The following SPRYD4 variants were observed in gnomAD, a reference collection of about 807,000 sequenced individuals.
The protein encoded by SPRYD4 is SPRY domain-containing protein 4.
SPRYD4 carries 12 observed loss-of-function variants against 16.6 expected under a neutral mutation model. The observed-to-expected ratio is 0.72, with a 90% CI of 0.46 to 1.17. The LOEUF is 1.17. Among genes scored for constraint, SPRYD4 ranks in the 50% most tolerant of loss-of-function variants. The pLI is 0.00. For missense variants in SPRYD4, 260 were observed against 260.2 expected (o/e 1.00, Z 0.00); for synonymous variants, 98 against 105.4 (o/e 0.93, Z 0.43).
chr12:56,478,447 G>A lies in SPRYD4; in HGVS notation c.*8870G>A. On this transcript the variant is annotated 3_prime_UTR_variant, in exon 2 of 2. Transcript: ENST00000338146. ...TTAAGTCCTAGAAGGCCATATCTTTGTGTATCCGCAATCCTGTAGAGATAG... is the reference window on the plus strand; with the variant it reads ...TTAAGTCCTAGAAGGCCATATCTTTATGTATCCGCAATCCTGTAGAGATAG... 1.6e-6 allele frequency: 1 copy of A among 609,054 alleles called. No homozygotes were observed. Among genetic ancestry groups the A allele is most frequent in the Non-Finnish European group, 2.9e-6 (1 of 343,258 alleles). 37.7% of individuals were successfully genotyped at this position (609,054 alleles called of 1,614,324 possible). A position where few individuals can be genotyped will look rare whatever the true frequency, so the allele number is the denominator to read the frequency against.
At position 56,472,010 on chromosome 12, in the gene SPRYD4, C is replaced by T; in HGVS notation, c.*2433C>T. 1 of 1,339,420 alleles carries T rather than the reference C, an allele frequency of 7.5e-7. No individual in the cohort carries two copies. Among genetic ancestry groups the T allele is most frequent in the Non-Finnish European group, 1.1e-6 (1 of 942,798 alleles). 83.0% of individuals were successfully genotyped at this position (1,339,420 alleles called of 1,614,324 possible). A position where few individuals can be genotyped will look rare whatever the true frequency, so the allele number is the denominator to read the frequency against. The stretch of plus-strand genomic sequence containing the variant: ...CAAACCGAAGGGTGTCTAGATAAAA[C>T]TAGTTGCTGCCCCTATAACCTTGAG... On this transcript the variant is annotated 3_prime_UTR_variant, in exon 2 of 2. Coordinates refer to ENST00000338146, the MANE Select transcript of SPRYD4 (RefSeq NM_207344.4).
Position 56,476,226 on chromosome 12 carries a change from G to A in SPRYD4, c.*6649G>A, listed in dbSNP as rs898842363. 1.7e-5 allele frequency: 8 copies of A among 469,092 alleles called. No individual in the cohort carries two copies. Among genetic ancestry groups the A allele is most frequent in the East Asian group, 4.1e-5 (1 of 24,266 alleles). 29.1% of individuals were successfully genotyped at this position (469,092 alleles called of 1,614,324 possible). On this transcript the variant is annotated 3_prime_UTR_variant, in exon 2 of 2. Transcript: ENST00000338146. ...CACCCAGGCTGGAGTGCAGTGGCAC[G>A]ATCATGGCTCACTGCAGCTTTGACC...
At position 56,469,254 on chromosome 12, in the gene SPRYD4, C is replaced by T. The variant is rs140739514; in HGVS notation, c.301C>T (p.Arg101Trp). 1.3e-5 allele frequency: 21 copies of T among 1,613,886 alleles called. No individual in the cohort carries two copies. Among genetic ancestry groups the T allele is most frequent in the Non-Finnish European group, 1.7e-6 (2 of 1,179,866 alleles). ...GACAGTGAAGCGCTCCCAGCAGTTC[C>T]GGATAGGAGTGGCAGATGTGGACAT... ...EVTVKRSQQF[R>W]IGVADVDMSR... Residue 101 changes from arginine to tryptophan, a missense_variant, in exon 2 of 2, where the codon CGG becomes TGG. Coordinates refer to ENST00000338146, the MANE Select transcript of SPRYD4 (RefSeq NM_207344.4).
In SPRYD4 at chr12:56,477,759, A is replaced by G; in HGVS notation, c.*8182A>G. ...CCACCAAGAGTCTTAGCCACTGAAC[A>G]AAGCCTCCCTGACAGCCCGCTCACT... is the stretch of plus-strand genomic sequence containing the variant. On this transcript the variant is annotated 3_prime_UTR_variant, in exon 2 of 2. Coordinates refer to ENST00000338146, the MANE Select transcript of SPRYD4 (RefSeq NM_207344.4). 1 of 1,591,256 alleles carries G rather than the reference A, an allele frequency of 6.3e-7. No homozygotes were observed. The highest frequency in any genetic ancestry group is 8.6e-7 in the Non-Finnish European group (1 of 1,166,220).
Position 56,469,148 on chromosome 12 carries a change from C to T in SPRYD4, c.195C>T (p.Ala65=). 2.5e-6 allele frequency: 4 copies of T among 1,614,114 alleles called. No homozygotes were observed. The highest frequency in any genetic ancestry group is 3.4e-6 in the Non-Finnish European group (4 of 1,180,026). ...TGGGATTGGAGCCCACCAAGGTGGCCTTGAATGTGGAGCGCTTCCGGGAGT... is the reference window on the plus strand; with the variant it reads ...TGGGATTGGAGCCCACCAAGGTGGCTTTGAATGTGGAGCGCTTCCGGGAGT... ...GLVGLEPTKV[A]LNVERFREWA... The change falls in exon 2 of 2, where the codon GCC becomes GCT. Residue 65 remains alanine (A), a synonymous_variant. Transcript: ENST00000338146.
chr12:56,469,258 T>A lies in SPRYD4; in HGVS notation c.305T>A (p.Ile102Lys). 1 of 1,613,844 alleles carries A rather than the reference T, an allele frequency of 6.2e-7. No homozygotes were observed. Among genetic ancestry groups the A allele is most frequent in the Non-Finnish European group, 8.5e-7 (1 of 1,179,888 alleles). The change falls in exon 2 of 2, where the codon ATA (isoleucine) becomes AAA (lysine). Residue 102 changes from isoleucine to lysine, a missense_variant. Ile to Lys is a moderately radical substitution (Grantham distance 102). Transcript: ENST00000338146. Reference sequence around the variant, plus strand: ...GTGAAGCGCTCCCAGCAGTTCCGGATAGGAGTGGCAGATGTGGACATGTCC... The same window carrying A: ...GTGAAGCGCTCCCAGCAGTTCCGGAAAGGAGTGGCAGATGTGGACATGTCC... ...VTVKRSQQFR[I>K]GVADVDMSRD...
rs750382096 is a variant in SPRYD4 at position 56,471,841 on chromosome 12, G to A, written c.*2264G>A. The A allele has an allele frequency of 1.2e-6, 2 of 1,613,740 alleles. No individual in the cohort carries two copies. Among genetic ancestry groups the A allele is most frequent in the South Asian group, 2.2e-5 (2 of 90,982 alleles). On this transcript the variant is annotated 3_prime_UTR_variant, in exon 2 of 2. Coordinates refer to ENST00000338146, the MANE Select transcript of SPRYD4 (RefSeq NM_207344.4). ...ATTTAACAACTTCGATGTGTCCTAG[G>A]AATATGGGCAGAAGGAAAATGAGAA... is the stretch of plus-strand genomic sequence containing the variant.
Position 56,473,090 on chromosome 12 carries a change from C to T in SPRYD4, c.*3513C>T, listed in dbSNP as rs539169366. 20 of 756,808 alleles carry T rather than the reference C, an allele frequency of 2.6e-5. No homozygotes were observed. Among genetic ancestry groups the T allele is most frequent in the African/African-American group, 1.4e-4 (8 of 56,810 alleles). 46.9% of individuals were successfully genotyped at this position (756,808 alleles called of 1,614,324 possible). On this transcript the variant is annotated 3_prime_UTR_variant, in exon 2 of 2. Transcript: ENST00000338146. ...ATTTTCAATAGAGACCAGGTTTCACCGTGTTAGCCAGGATGGTCTTGATCT... is the reference window on the plus strand; with the variant it reads ...ATTTTCAATAGAGACCAGGTTTCACTGTGTTAGCCAGGATGGTCTTGATCT...
In SPRYD4 at chr12:56,468,662, CAG is replaced by C. The variant is rs770909661; in HGVS notation, c.74_75del (p.Glu25GlyfsTer24). 2 of 1,613,948 alleles carry C rather than the reference CAG, an allele frequency of 1.2e-6. No individual in the cohort carries two copies. Among genetic ancestry groups the C allele is most frequent in the South Asian group, 1.1e-5 (1 of 91,086 alleles). The stretch of plus-strand genomic sequence containing the variant: ...GCCAAACGATTGGGAGTTGCCTCCA[CAG>C]AGGCCCAGAGAGGTAGGATTATCTC... On this transcript the variant is annotated frameshift_variant, in exon 1 of 2. Coordinates refer to ENST00000338146, the MANE Select transcript of SPRYD4 (RefSeq NM_207344.4). LOFTEE classifies it high-confidence loss of function.
chr12:56,469,409 G>T lies in SPRYD4; in HGVS notation c.456G>T (p.Gly152=), dbSNP rs769606204. The change falls in exon 2 of 2, where the codon GGG becomes GGT. Residue 152 remains glycine, a synonymous_variant. Transcript: ENST00000338146. Reference sequence around the variant, plus strand: ...GTATTGGGCAGCCAGAGAAGGTGGGGCTGTTGCTGGAGTATGAGGCCCAGA... The same window carrying T: ...GTATTGGGCAGCCAGAGAAGGTGGGTCTGTTGCTGGAGTATGAGGCCCAGA... ...VEGIGQPEKV[G]LLLEYEAQKL... is the part of the protein sequence containing the mutation. The T allele has an allele frequency of 8.7e-6, 14 of 1,614,000 alleles. No homozygotes were observed. The highest frequency in any genetic ancestry group is 1.3e-5 in the African/African-American group (1 of 74,894).
At position 56,469,429 on chromosome 12, in the gene SPRYD4, C is replaced by A. The variant is rs1042469563; in HGVS notation, c.476C>A (p.Ala159Asp). The A allele has an allele frequency of 1.9e-6, 3 of 1,613,958 alleles. No individual in the cohort carries two copies. Among genetic ancestry groups the A allele is most frequent in the Non-Finnish European group, 8.5e-7 (1 of 1,179,970 alleles). The change falls in exon 2 of 2, where the codon GCC becomes GAC. Residue 159 changes from alanine (A) to aspartate (D), a missense_variant. Physicochemically the swap from Ala to Asp is moderately radical, Grantham distance 126. Transcript: ENST00000338146. ...EKVGLLLEYE[A>D]QKLSLVDVSQ... is the part of the protein sequence containing the mutation. ...GTGGGGCTGTTGCTGGAGTATGAGG[C>A]CCAGAAGCTGAGCCTGGTGGATGTG... is the stretch of plus-strand genomic sequence containing the variant.
chr12:56,475,842 G>T lies in SPRYD4; in HGVS notation c.*6265G>T. 1 of 1,422,348 alleles carries T rather than the reference G, an allele frequency of 7.0e-7. No homozygotes were observed. The highest frequency in any genetic ancestry group is 9.9e-7 in the Non-Finnish European group (1 of 1,007,200). 88.1% of individuals were successfully genotyped at this position (1,422,348 alleles called of 1,614,324 possible). ...TCTGGAAATAAGGCTTCTAGTATGG[G>T]CTGGTGCACCTGGTAGTGGGGTTAG... On this transcript the variant is annotated 3_prime_UTR_variant, in exon 2 of 2. Coordinates refer to ENST00000338146, the MANE Select transcript of SPRYD4 (RefSeq NM_207344.4).
Position 56,478,470 on chromosome 12 carries a change from T to G in SPRYD4, c.*8893T>G, listed in dbSNP as rs1255675235. ...TTGTGTATCCGCAATCCTGTAGAGA[T>G]AGCAGTAAAGCCAATGGAAGTTAAA... On this transcript the variant is annotated 3_prime_UTR_variant, in exon 2 of 2. Coordinates refer to ENST00000338146, the MANE Select transcript of SPRYD4 (RefSeq NM_207344.4). The G allele has an allele frequency of 8.8e-6, 5 of 568,484 alleles. No individual in the cohort carries two copies. The highest frequency in any genetic ancestry group is 3.8e-5 in the African/African-American group (2 of 53,198). 35.2% of individuals were successfully genotyped at this position (568,484 alleles called of 1,614,324 possible).
In SPRYD4 at chr12:56,479,275, G is replaced by A; in HGVS notation, c.*9698G>A. On this transcript the variant is annotated 3_prime_UTR_variant, in exon 2 of 2. Coordinates refer to ENST00000338146, the MANE Select transcript of SPRYD4 (RefSeq NM_207344.4). Reference sequence around the variant, plus strand: ...AAATTGGGAATAAAGAAGGTTGAGTGGTCTTCAGGTTTGGGATCAACAGCT... The same window carrying A: ...AAATTGGGAATAAAGAAGGTTGAGTAGTCTTCAGGTTTGGGATCAACAGCT... The A allele has an allele frequency of 1.3e-6, 2 of 1,494,390 alleles. No homozygotes were observed. The highest frequency in any genetic ancestry group is 2.4e-5 in the East Asian group (1 of 42,224). The allele number at this position is 1,494,390 out of a possible 1,614,324, so 92.6% of individuals were successfully genotyped here.
chr12:56,469,003 C>T (rs372376462), intron 1 of SPRYD4, 36 bp from the exon 2 acceptor site: 6 of 1,530,670 alleles, frequency 3.9e-6, no homozygotes, highest in African/African-American at 1.4e-5. Flanking sequence ...GGGTTCTAGC[C>T]CCTGTTATTA....
chr12:56,473,198 T>C lies in SPRYD4; in HGVS notation c.*3621T>C, dbSNP rs751280159. The C allele has an allele frequency of 3.1e-6, 5 of 1,605,464 alleles. No homozygotes were observed. Among genetic ancestry groups the C allele is most frequent in the Non-Finnish European group, 8.5e-7 (1 of 1,172,400 alleles). On this transcript the variant is annotated 3_prime_UTR_variant, in exon 2 of 2. Coordinates refer to ENST00000338146, the MANE Select transcript of SPRYD4 (RefSeq NM_207344.4). The stretch of plus-strand genomic sequence containing the variant: ...GCCACCGCACCTGGCCTTTGAAATA[T>C]TCTTACAAGCCACCTGGAGTTTTCC...
In SPRYD4 at chr12:56,471,861, T is replaced by C. The variant is rs144267430; in HGVS notation, c.*2284T>C. 418 of 1,610,602 alleles carry C rather than the reference T, an allele frequency of 2.6e-4. 1 individual carries two copies. In the African/African-American group the frequency reaches 5.1e-3, roughly 20 times the overall value. ...CCTAGGAATATGGGCAGAAGGAAAA[T>C]GAGAAGGCGCAGGTCTTGAACCCTT... On this transcript the variant is annotated 3_prime_UTR_variant, in exon 2 of 2. Transcript: ENST00000338146.
rs755895272 is a variant in SPRYD4 at position 56,478,581 on chromosome 12, G to A, written c.*9004G>A. On this transcript the variant is annotated 3_prime_UTR_variant, in exon 2 of 2. Coordinates refer to ENST00000338146, the MANE Select transcript of SPRYD4 (RefSeq NM_207344.4). ...CCCTTTGAAGGCTCTATTCGATCTT[G>A]ATTCCCTCACCTGCTCTAGGAATCG... 4.5e-5 allele frequency: 15 copies of A among 333,576 alleles called. No individual in the cohort carries two copies. The highest frequency in any genetic ancestry group is 8.4e-5 in the Non-Finnish European group (15 of 178,232). 20.7% of individuals were successfully genotyped at this position (333,576 alleles called of 1,614,324 possible).
rs1869713017 is a variant in SPRYD4, at chr12:56,475,383, A to G, written c.*5806A>G. On this transcript the variant is annotated 3_prime_UTR_variant, in exon 2 of 2. Transcript: ENST00000338146. ...TTTTGGCTTTGAAAGTCTTGGCAAG[A>G]AAGGGCTTAGGCACAAACCATCACA... The G allele has an allele frequency of 1.2e-6, 1 of 824,870 alleles. No homozygotes were observed. The highest frequency in any genetic ancestry group is 1.8e-6 in the Non-Finnish European group (1 of 540,906). 51.1% of individuals were successfully genotyped at this position (824,870 alleles called of 1,614,324 possible).
Sources: allele counts gnomAD v4.1 joint callset, GRCh38; gene constraint gnomAD v4.1.1; transcripts MANE v1.5; gene names NCBI Gene and HGNC (gene_info 2026-07-23, HGNC 2026-07-21).